EPHB2: variants seen among roughly 807,000 people sequenced by gnomAD.
The protein encoded by EPHB2 is ephrin type-B receptor 2.
EPHB2 carries 18 observed loss-of-function variants against 96.4 expected under a neutral mutation model. The ratio of observed to expected loss-of-function variants is 0.19; its 90% CI spans 0.13 to 0.28. The LOEUF (loss-of-function observed/expected upper bound fraction) is 0.28, where lower values mean the gene tolerates loss of function less well. Among genes scored for constraint, EPHB2 ranks in the 10% least tolerant of loss-of-function variants. The probability of loss-of-function intolerance (pLI) is 1.00; values close to 1 mark genes in which losing one functional copy is unlikely to be tolerated. For missense variants in EPHB2, 989 were observed against 1,355.4 expected, an observed-to-expected ratio of 0.73 and a Z score of 4.25; for synonymous variants, 506 against 534.1, an observed-to-expected ratio of 0.95 and a Z score of 0.72.
At chr1:22,863,242 A>T (rs374426753) in intron 4 of EPHB2, 50 bp downstream of exon 4, 76 of 1,612,942 alleles carry the variant, frequency 4.7e-5, no homozygotes, top group Non-Finnish European at 5.8e-5. Flanking sequence ...TCCCAGGTCT[A>T]CCTGCAGAAA....
At chr1:22,732,750 G>A (rs150884879) in intron 1 of EPHB2, among the ~76,000 whole-genome samples, 5 of 152,256 alleles carry the variant, frequency 3.3e-5, no homozygotes, top group African/African-American at 7.2e-5. Flanking sequence ...TACAAGGCGC[G>A]CTCACATTGA....
At chr1:22,818,226 C>G (rs187929088) in intron 3 of EPHB2, among the ~76,000 whole-genome samples, 10 of 152,146 alleles carry the variant, frequency 6.6e-5, no homozygotes, top group Non-Finnish European at 1.0e-4. Flanking sequence ...GCCAGCCCCC[C>G]ACGACCTCTT....
rs971965194 is a variant in EPHB2, at chr1:22,846,058, T to A, written c.812-16979T>A. ...TTTGGGATCAGTTAGACCCTAAGGA[T>A]CCCTGCAGAGGAGCCCAGGATGCCC... On this transcript the variant is annotated intron_variant, in intron 3 of 15. Coordinates refer to ENST00000374630, the MANE Select transcript of EPHB2 (RefSeq NM_017449.5). The surrounding 1 kb of genome is among the most constrained non-coding windows in gnomAD (Gnocchi z 4.3). Among the ~76,000 whole-genome samples the A allele has an allele frequency of 6.6e-6, 1 of 152,120 alleles. No homozygotes were observed. Among genetic ancestry groups the A allele is most frequent in the Admixed American group, 6.5e-5 (1 of 15,268 alleles).
chr1:22,778,275 C>T (rs35711504), intron 1 of EPHB2, among the ~76,000 whole-genome samples: 23,865 of 152,168 alleles, frequency 0.16, 2,450 homozygotes, highest in East Asian at 0.56. Context: ...ATCTCCCCCC[C>T]TCAAAAGGTC....
At chr1:22,743,521 A>G (rs553204655) in intron 1 of EPHB2, among the ~76,000 whole-genome samples, 4 of 152,046 alleles carry the variant, frequency 2.6e-5, no homozygotes, top group Admixed American at 2.0e-4. Flanking sequence ...CCCAGGCTGG[A>G]GTGCAATGGG....
chr1:22,835,453 C>T (rs958393639), intron 3 of EPHB2, among the ~76,000 whole-genome samples: 11 of 152,234 alleles, frequency 7.2e-5, no homozygotes, highest in Admixed American at 6.5e-4. Flanking sequence ...CATATGTGTA[C>T]AGAGACACAC....
chr1:22,779,033 C>T (rs932370272), intron 1 of EPHB2, among the ~76,000 whole-genome samples: 23 of 152,218 alleles, frequency 1.5e-4, no homozygotes, highest in African/African-American at 4.8e-4. Context: ...GTCCCAAGCA[C>T]AGTCTCTCCT....
chr1:22,831,982 G>C (rs527505447), intron 3 of EPHB2, among the ~76,000 whole-genome samples: 2 of 152,316 alleles, frequency 1.3e-5, no homozygotes, highest in East Asian at 3.9e-4. Flanking sequence ...GGGGTACTGG[G>C]GAGAGGAAGA....
At chr1:22,726,322 G>C (rs1021650075) in intron 1 of EPHB2, among the ~76,000 whole-genome samples, 3 of 151,420 alleles carry the variant, frequency 2.0e-5, no homozygotes, top group Non-Finnish European at 4.4e-5. Context: ...AGCCTCCACC[G>C]TTAAGTCCCC....
At position 22,784,500 on chromosome 1, in the gene EPHB2, C is replaced by A; in HGVS notation, c.235C>A (p.Arg79=). 1 of 1,613,696 alleles carries A rather than the reference C, an allele frequency of 6.2e-7. No homozygotes were observed. The highest frequency in any genetic ancestry group is 8.5e-7 in the Non-Finnish European group (1 of 1,179,638). ...CAACTGGCTACGGACCAAGTTTATC[C>A]GGCGCCGTGGCGCCCACCGCATCCA... is the stretch of plus-strand genomic sequence containing the variant. ...QNNWLRTKFI[R]RRGAHRIHVE... Residue 79 remains arginine, a synonymous_variant, in exon 3 of 16, where the codon CGG becomes AGG. Coordinates refer to ENST00000374630, the MANE Select transcript of EPHB2 (RefSeq NM_017449.5). The surrounding 1 kb of genome is among the most constrained non-coding windows in gnomAD (Gnocchi z 5.1).
chr1:22,880,281 G>A (rs377656530), intron 5 of EPHB2, among the ~76,000 whole-genome samples: 32 of 152,308 alleles, frequency 2.1e-4, no homozygotes, highest in African/African-American at 7.5e-4. Context: ...CACAGCTGAT[G>A]TTCAGGTTCC....
intron 1 of EPHB2, among the ~76,000 whole-genome samples, chr1:22,749,554 GTGTCACAGATCCTAT>G (rs1459420690): frequency 6.6e-6 from 1 of 152,162 alleles, no homozygotes; most frequent in East Asian, 1.9e-4. Flanking sequence ...TGGTTGTCTT[GTGTCACAGATCCTAT>G]GTGACATCAG....
chr1:22,863,400 C>G (rs1473486510), intron 4 of EPHB2, among the ~76,000 whole-genome samples: 1 of 152,232 alleles, frequency 6.6e-6, no homozygotes, highest in African/African-American at 2.4e-5. Context: ...TGGCTCCTTA[C>G]CCCCTTCTGC....
At chr1:22,730,068 C>T (rs1003821277) in intron 1 of EPHB2, among the ~76,000 whole-genome samples, 6 of 152,274 alleles carry the variant, frequency 3.9e-5, no homozygotes, top group African/African-American at 1.4e-4. Flanking sequence ...AGGGCCAGGC[C>T]CCAGGGTGGG....
intron 1 of EPHB2, among the ~76,000 whole-genome samples, chr1:22,746,569 G>C (rs751369136): frequency 3.9e-5 from 6 of 152,222 alleles, no homozygotes; most frequent in African/African-American, 7.2e-5. Context: ...TGTTCTGCAG[G>C]GGGGAGATGA....
intron 3 of EPHB2, among the ~76,000 whole-genome samples, chr1:22,831,507 C>A (rs1645303332): frequency 2.0e-5 from 3 of 152,086 alleles, no homozygotes; most frequent in Non-Finnish European, 2.9e-5. Context: ...AACCCAGGAA[C>A]CCTTACAAGT....
In EPHB2 at chr1:22,910,432, C is replaced by T. The variant is rs745872733; in HGVS notation, c.2553C>T (p.Cys851=). The change falls in exon 14 of 16, where the codon TGC becomes TGT. Residue 851 remains cysteine, a synonymous_variant. Transcript: ENST00000374630. ...QDYRLPPPMD[C]PSALHQLMLD... ...ATCGGCTGCCACCGCCCATGGACTGCCCGAGCGCCCTGCACCAACTCATGC... is the reference window on the plus strand; with the variant it reads ...ATCGGCTGCCACCGCCCATGGACTGTCCGAGCGCCCTGCACCAACTCATGC... The T allele has an allele frequency of 2.0e-5, 32 of 1,614,208 alleles. No homozygotes were observed. Among genetic ancestry groups the T allele is most frequent in the Non-Finnish European group, 2.1e-5 (25 of 1,180,028 alleles).
At chr1:22,806,904 C>G (rs184282869) in intron 3 of EPHB2, among the ~76,000 whole-genome samples, 1 of 152,198 alleles carries the variant, frequency 6.6e-6, no homozygotes, top group Non-Finnish European at 1.5e-5. Context: ...CACCACCCCC[C>G]AGCCCTACTT....
At chr1:22,894,291 A>G (rs2148568621) in intron 7 of EPHB2, among the ~76,000 whole-genome samples, 1 of 152,322 alleles carries the variant, frequency 6.6e-6, no homozygotes, top group African/African-American at 2.4e-5. Context: ...TGTTCTGGTC[A>G]GTGAGACAGT....
Sources: gnomAD v4.1 joint callset for allele counts (sites outside exome capture counted in the v4.1 genomes callset) on GRCh38, gnomAD v4.1.1 for gene constraint, Gnocchi (gnomAD v3.1) non-coding constraint, MANE v1.5 for transcripts, NCBI Gene and HGNC (gene_info 2026-07-23, HGNC 2026-07-21) for gene names.